Variants in ITGA4 observed in about 807,000 individuals in gnomAD.
ITGA4 encodes the protein integrin subunit alpha 4.
ITGA4 carries 63 observed loss-of-function variants against 133.6 expected under a neutral mutation model. The observed-to-expected ratio is 0.47, with a 90% confidence interval of 0.38 to 0.58. ITGA4 has a LOEUF of 0.58. ITGA4 is among the 20% of genes least tolerant of loss of function. The pLI is 0.00. For missense variants in ITGA4, 1,076 were observed against 1,252.7 expected, an observed-to-expected ratio of 0.86 and a Z score of 2.13; for synonymous variants, 483 against 438.0, an observed-to-expected ratio of 1.10 and a Z score of -1.28.
intron 15 of ITGA4, among the ~76,000 whole-genome samples, chr2:181,503,742 T>G (rs1400368197): frequency 6.6e-6 from 1 of 152,064 alleles, no homozygotes; most frequent in Non-Finnish European, 1.5e-5. Flanking sequence ...TATCTTTTAG[T>G]GTTTTATCTA....
rs943437666 is a variant in ITGA4, at chr2:181,523,239, T to TATAC, written c.2074-197_2074-196insTACA. 1 of 463,904 alleles carries TATAC rather than the reference T, an allele frequency of 2.2e-6. No individual in the cohort carries two copies. Among genetic ancestry groups the TATAC allele is most frequent in the African/African-American group, 2.0e-5 (1 of 50,722 alleles). 28.7% of individuals were successfully genotyped at this position (463,904 alleles called of 1,614,324 possible). On this transcript the variant is annotated intron_variant, in intron 18 of 27. Transcript: ENST00000397033. The surrounding 1 kb of genome is among the most constrained non-coding windows in gnomAD (Gnocchi z 4.2). ...ACACACATATATACATACATATATATACACATACATATATACACACATGCA... is the reference window on the plus strand; with the variant it reads ...ACACACATATATACATACATATATATATACACACATACATATATACACACATGCA...
rs950450237 is a variant in ITGA4, at chr2:181,510,767, T to A, written c.1846-932T>A. On this transcript the variant is annotated intron_variant, in intron 16 of 27. Coordinates refer to ENST00000397033, the MANE Select transcript of ITGA4 (RefSeq NM_000885.6). ...GGTTGTTTTTACTCTTCTTTTGAAC[T>A]TCAGTTGTCAACATCAACTATTTGT... Among the ~76,000 whole-genome samples the A allele has an allele frequency of 3.3e-5, 5 of 152,188 alleles. No individual in the cohort carries two copies. In the South Asian group the frequency reaches 1.0e-3, roughly 32 times the overall value.
chr2:181,537,351 T>C lies in ITGA4; in HGVS notation c.*1824T>C, dbSNP rs1005997784. 1.3e-5 allele frequency: 6 copies of C among 453,684 alleles called. No individual in the cohort carries two copies. The highest frequency in any genetic ancestry group is 8.0e-5 in the African/African-American group (4 of 49,990). The allele number at this position is 453,684 out of a possible 1,614,324, so 28.1% of individuals were successfully genotyped here. On this transcript the variant is annotated 3_prime_UTR_variant, in exon 28 of 28. Transcript: ENST00000397033. ...ACTATGGTTGTCCAACACAGGCCTC[T>C]CAGATACAAGGGGAACACAATTACA...
chr2:181,472,424 TA>T (rs1685576977), intron 2 of ITGA4, among the ~76,000 whole-genome samples: 1 of 152,230 alleles, frequency 6.6e-6, no homozygotes. Context: ...AAGTGTCTAT[TA>T]TACACGCCAT....
intron 15 of ITGA4, among the ~76,000 whole-genome samples, chr2:181,502,419 A>G (rs1686295285): frequency 1.3e-5 from 2 of 152,100 alleles, no homozygotes; most frequent in South Asian, 4.1e-4. Flanking sequence ...GCATGCTGCA[A>G]TAGAGTGAAA....
intron 2 of ITGA4, among the ~76,000 whole-genome samples, chr2:181,471,054 G>A (rs779921988): frequency 6.6e-6 from 1 of 152,010 alleles, no homozygotes; most frequent in Non-Finnish European, 1.5e-5. Flanking sequence ...AGTGAAAAGG[G>A]GAAACATATC....
At chr2:181,535,408 G>A in intron 27 of ITGA4, 24 bp from the exon 28 acceptor site, 4 of 1,555,338 alleles carry the variant, frequency 2.6e-6, no homozygotes, top group Non-Finnish European at 3.5e-6. Flanking sequence ...CTATACACTA[G>A]TGATTATGTT....
intron 2 of ITGA4, among the ~76,000 whole-genome samples, chr2:181,463,246 G>A (rs1357857691): frequency 1.3e-5 from 2 of 152,154 alleles, no homozygotes; most frequent in African/African-American, 4.8e-5. Context: ...CTGTAGGTTA[G>A]AGAGGCAGGC....
chr2:181,487,017 T>C (rs750775924), intron 10 of ITGA4, among the ~76,000 whole-genome samples: 58 of 152,246 alleles, frequency 3.8e-4, no homozygotes, highest in Non-Finnish European at 5.1e-4. Context: ...AGTCAGTTAT[T>C]GAATACATGC....
At chr2:181,532,632 T>G (rs1686967150) in intron 25 of ITGA4, among the ~76,000 whole-genome samples, 1 of 152,168 alleles carries the variant, frequency 6.6e-6, no homozygotes, top group South Asian at 2.1e-4. Context: ...GCTTATAAGC[T>G]TAAGGAGTTT....
At position 181,537,259 on chromosome 2, in the gene ITGA4, T is replaced by C. The variant is rs923883479; in HGVS notation, c.*1732T>C. On this transcript the variant is annotated 3_prime_UTR_variant, in exon 28 of 28. Transcript: ENST00000397033. ...TCTAAGGAAATTTACATTTGGTTCT[T>C]TCCTACTCAGAACTACTCAGAAACA... 1.3e-5 allele frequency: 6 copies of C among 453,768 alleles called. No homozygotes were observed. The highest frequency in any genetic ancestry group is 1.2e-4 in the African/African-American group (6 of 49,982). The allele number at this position is 453,768 out of a possible 1,614,324, so 28.1% of individuals were successfully genotyped here.
At chr2:181,477,290 T>G (rs1685698793) in intron 4 of ITGA4, among the ~76,000 whole-genome samples, 1 of 152,032 alleles carries the variant, frequency 6.6e-6, no homozygotes. Context: ...GAAAAGCTAC[T>G]TGACATTAGT....
chr2:181,506,971 T>A (rs1415578480), intron 15 of ITGA4, among the ~76,000 whole-genome samples: 1 of 152,106 alleles, frequency 6.6e-6, no homozygotes, highest in Non-Finnish European at 1.5e-5. Context: ...AGCTAATATG[T>A]CTAGCCTGGG....
At chr2:181,457,323 A>G (rs1433463036), upstream of ITGA4, 1 of 264,728 alleles carries the variant, frequency 3.8e-6, no homozygotes, top group Non-Finnish European at 7.3e-6. Context: ...GTAGGCAGAG[A>G]CGGAGCCCGG....
In ITGA4 at chr2:181,482,502, G is replaced by A. The variant is rs1685830099; in HGVS notation, c.904-12G>A. Reference sequence around the variant, plus strand: ...TTTTCTCAATGAGTGGATCTGGTTTGTTTTGGGACAGCTTGGATCGTACTT... The same window carrying A: ...TTTTCTCAATGAGTGGATCTGGTTTATTTTGGGACAGCTTGGATCGTACTT... On this transcript the variant is annotated splice_polypyrimidine_tract_variant and intron_variant, in intron 8 of 27. Transcript: ENST00000397033. The A allele has an allele frequency of 6.2e-7, 1 of 1,613,574 alleles. No individual in the cohort carries two copies. The highest frequency in any genetic ancestry group is 1.7e-5 in the Admixed American group (1 of 59,972).
At position 181,538,535 on chromosome 2, in the gene ITGA4, C is replaced by T. The variant is rs979940295; in HGVS notation, c.*3008C>T. Among the ~76,000 whole-genome samples, 4 of 152,088 alleles carry T rather than the reference C, an allele frequency of 2.6e-5. No individual in the cohort carries two copies. Among genetic ancestry groups the T allele is most frequent in the Admixed American group, 2.0e-4 (3 of 15,240 alleles). On this transcript the variant is annotated 3_prime_UTR_variant, in exon 28 of 28. Transcript: ENST00000397033. ...CATGTCTAGTGGGCACCCCTGCATG[C>T]TTCTTCTAACCACTGAGTGTCACAA...
chr2:181,517,465 A>T (rs1686629505), intron 17 of ITGA4, among the ~76,000 whole-genome samples: 1 of 152,086 alleles, frequency 6.6e-6, no homozygotes. Context: ...GTATGTACAC[A>T]GTACCTTGAT....
In ITGA4 at chr2:181,535,789, C is replaced by G. The variant is rs965201794; in HGVS notation, c.*262C>G. On this transcript the variant is annotated 3_prime_UTR_variant, in exon 28 of 28. Transcript: ENST00000397033. The stretch of plus-strand genomic sequence containing the variant: ...GAAACACTAAAGCATTCAATTTATT[C>G]AAGAAAAGTAAGCCCTTGAAGATAT... 7.4e-6 allele frequency: 2 copies of G among 270,014 alleles called. No homozygotes were observed. Among genetic ancestry groups the G allele is most frequent in the African/African-American group, 4.4e-5 (2 of 45,720 alleles). The allele number at this position is 270,014 out of a possible 1,614,324, so 16.7% of individuals were successfully genotyped here.
intron 17 of ITGA4, 137 bp from the exon 18 acceptor site, chr2:181,522,054 A>G: frequency 2.1e-6 from 1 of 476,596 alleles, no homozygotes; most frequent in Non-Finnish European, 3.6e-6. Flanking sequence ...GCATAGGGTC[A>G]ATCCCATGAT....
Sources: gnomAD v4.1 joint callset for allele counts (sites outside exome capture counted in the v4.1 genomes callset) on GRCh38, gnomAD v4.1.1 for gene constraint, Gnocchi (gnomAD v3.1) non-coding constraint, MANE v1.5 for transcripts, NCBI Gene and HGNC (gene_info 2026-07-23, HGNC 2026-07-21) for gene names.